WHR1: variants seen among roughly 807,000 people sequenced by gnomAD.
WHR1 encodes the protein winged helix repair factor 1, also known as MHC class III HLA-RP1.
the WHR1 span, chr6:31,972,630 G>T: frequency 1.2e-6 from 2 of 1,608,518 alleles, no homozygotes; most frequent in African/African-American, 2.7e-5. This position sits in a 1 kb window ranked among gnomAD's most constrained non-coding sequence, Gnocchi z 6.3. Flanking sequence ...GGGTCGGCGC[G>T]CGCGGCTGTC....
chr6:31,971,576 C>T, the WHR1 span: 1 of 1,614,038 alleles, frequency 6.2e-7, no homozygotes. This position sits in a 1 kb window ranked among gnomAD's most constrained non-coding sequence, Gnocchi z 4.5. Context: ...GAGTAGAGGG[C>T]AGGGTCTGTG....
the WHR1 span, among the ~76,000 whole-genome samples, chr6:31,977,020 A>G: frequency 5.9e-5 from 9 of 152,360 alleles, no homozygotes; most frequent in Non-Finnish European, 1.2e-4. Flanking sequence ...GCTCGGCATC[A>G]GAGGGAGACC....
the WHR1 span, chr6:31,972,223 G>C: frequency 1.2e-6 from 2 of 1,612,888 alleles, no homozygotes; most frequent in South Asian, 1.1e-5. The surrounding 1 kb of genome is among the most constrained non-coding windows in gnomAD (Gnocchi z 6.3). Context: ...GCTGGTATGT[G>C]CGTCGCCACC....
chr6:31,977,701 C>G, the WHR1 span, among the ~76,000 whole-genome samples: 1 of 151,582 alleles, frequency 6.6e-6, no homozygotes, highest in South Asian at 2.1e-4. Context: ...CCAGGCTGGT[C>G]TTGAACTTGA....
chr6:31,980,340 C>T, the WHR1 span: 9 of 1,002,790 alleles, frequency 9.0e-6, no homozygotes, highest in Admixed American at 1.9e-4. Context: ...TCCAGTCTCT[C>T]TTGCATGGTT....
At chr6:31,976,410 C>T in the WHR1 span, among the ~76,000 whole-genome samples, 1,591 of 137,108 alleles carry the variant, frequency 0.012, 17 homozygotes, top group Non-Finnish European at 0.018. Context: ...CAGACGGGGT[C>T]GCGGCCGGGC....
At chr6:31,971,423 T>C in the WHR1 span, 1 of 1,609,640 alleles carries the variant, frequency 6.2e-7, no homozygotes, top group Non-Finnish European at 8.5e-7. This position sits in a 1 kb window ranked among gnomAD's most constrained non-coding sequence, Gnocchi z 4.5. Context: ...TATCCGTCTC[T>C]GAGGTCAAAG....
At chr6:31,972,613 C>G in the WHR1 span, 1 of 1,602,310 alleles carries the variant, frequency 6.2e-7, no homozygotes, top group Non-Finnish European at 8.5e-7. This position sits in a 1 kb window ranked among gnomAD's most constrained non-coding sequence, Gnocchi z 6.3. Context: ...GCCGATTTAT[C>G]TGCCCAGGGT....
At chr6:31,972,478 C>G in the WHR1 span, 1 of 1,612,812 alleles carries the variant, frequency 6.2e-7, no homozygotes, top group Non-Finnish European at 8.5e-7. This position sits in a 1 kb window ranked among gnomAD's most constrained non-coding sequence, Gnocchi z 6.3. Flanking sequence ...GAAGCGAGGG[C>G]CTGTGGAGTC....
the WHR1 span, chr6:31,971,335 C>A: frequency 1.3e-6 from 2 of 1,543,036 alleles, no homozygotes; most frequent in African/African-American, 1.4e-5. This position sits in a 1 kb window ranked among gnomAD's most constrained non-coding sequence, Gnocchi z 4.5. Flanking sequence ...CAACCGGCCT[C>A]GGTGTTCCAG....
At chr6:31,972,304 G>T in the WHR1 span, 1 of 1,613,140 alleles carries the variant, frequency 6.2e-7, no homozygotes, top group Non-Finnish European at 8.5e-7. The surrounding 1 kb of genome is among the most constrained non-coding windows in gnomAD (Gnocchi z 6.3). Flanking sequence ...TGGTCTAGGA[G>T]GGACGCCCGG....
At chr6:31,971,433 G>A in the WHR1 span, 5 of 1,611,660 alleles carry the variant, frequency 3.1e-6, no homozygotes, top group South Asian at 1.1e-5. This position sits in a 1 kb window ranked among gnomAD's most constrained non-coding sequence, Gnocchi z 4.5. Flanking sequence ...TGAGGTCAAA[G>A]TTGGGGCCTG....
the WHR1 span, chr6:31,971,796 G>C: frequency 7.5e-7 from 1 of 1,339,154 alleles, no homozygotes; most frequent in African/African-American, 1.5e-5. The surrounding 1 kb of genome is among the most constrained non-coding windows in gnomAD (Gnocchi z 4.5). Context: ...GAAACATTCA[G>C]GCCCCTCAGA....
At chr6:31,973,574 GA>G in the WHR1 span, among the ~76,000 whole-genome samples, 1 of 152,156 alleles carries the variant, frequency 6.6e-6, no homozygotes, top group South Asian at 2.1e-4. Context: ...TCTCTCTCCA[GA>G]AAAATGCACG....
At chr6:31,980,665 G>A in the WHR1 span, 1 of 1,599,986 alleles carries the variant, frequency 6.3e-7, no homozygotes, top group South Asian at 1.1e-5. Context: ...GCGCCAGGCT[G>A]TCCTTAGCAT....
chr6:31,972,556 G>T, the WHR1 span: 1 of 1,595,656 alleles, frequency 6.3e-7, no homozygotes, highest in Non-Finnish European at 8.6e-7. This position sits in a 1 kb window ranked among gnomAD's most constrained non-coding sequence, Gnocchi z 6.3. Context: ...TCCGGTAGCC[G>T]AGAGTTTTGT....
At chr6:31,980,467 G>A in the WHR1 span, 4 of 1,612,982 alleles carry the variant, frequency 2.5e-6, no homozygotes, top group South Asian at 1.1e-5. Flanking sequence ...GGTGAATGCT[G>A]GAGTCCTCAC....
the WHR1 span, chr6:31,980,995 C>T: frequency 1.8e-6 from 1 of 551,886 alleles, no homozygotes; most frequent in Non-Finnish European, 3.1e-6. Context: ...TTGTCTTTCT[C>T]CTGCACAGCA....
At chr6:31,979,292 G>T in the WHR1 span, 1 of 1,307,846 alleles carries the variant, frequency 7.6e-7, no homozygotes, top group Non-Finnish European at 1.0e-6. Flanking sequence ...GGAAGAAGAA[G>T]GGTATGAGAG....
Sources: allele counts gnomAD v4.1 joint callset (sites outside exome capture counted in the v4.1 genomes callset), GRCh38; gene constraint gnomAD v4.1.1; non-coding constraint Gnocchi (gnomAD v3.1); transcripts MANE v1.5; gene names NCBI Gene and HGNC (gene_info 2026-07-23, HGNC 2026-07-21).